The following DOCK8 variants were observed in gnomAD, a reference collection of about 807,000 sequenced individuals.
DOCK8 encodes the protein dedicator of cytokinesis 8, also known as dedicator of cytokinesis protein 8.
Under a neutral mutation model 245.6 loss-of-function variants are expected in DOCK8, and 141 were observed. That is an observed-to-expected ratio of 0.57 (90% CI 0.50 to 0.66). The LOEUF is 0.66. Ranked by LOEUF, DOCK8 falls within the 30% of genes least tolerant of loss-of-function variation. The pLI, the probability that DOCK8 is intolerant of heterozygous loss-of-function variation, is 0.00. For synonymous variants in DOCK8, 1,168 were observed against 970.2 expected (o/e 1.20, Z -3.79); for missense variants, 2,965 against 2,603.4 (o/e 1.14, Z -3.02).
intron 2 of DOCK8, chr9:272,945 C>A: frequency 1.4e-6 from 1 of 716,054 alleles, no homozygotes; most frequent in Non-Finnish European, 1.7e-6. Context: ...GGTTCTGCTG[C>A]TTATCTTGAA....
At chr9:333,654 A>G (rs1248279914) in intron 10 of DOCK8, among the ~76,000 whole-genome samples, 1 of 151,574 alleles carries the variant, frequency 6.6e-6, no homozygotes, top group African/African-American at 2.4e-5. Flanking sequence ...TTAGTATTGT[A>G]CTCTACAGAC....
chr9:249,282 A>G (rs548090669), intron 1 of DOCK8, among the ~76,000 whole-genome samples: 12 of 151,118 alleles, frequency 7.9e-5, no homozygotes, highest in Admixed American at 3.3e-4. Context: ...TTGTCCAACA[A>G]TAAACTCTGC....
At chr9:281,641 C>CCGTGTGTG (rs370850198) in intron 2 of DOCK8, among the ~76,000 whole-genome samples, 8 of 150,796 alleles carry the variant, frequency 5.3e-5, no homozygotes, top group African/African-American at 1.7e-4. Context: ...GTTTGTGTGC[C>CCGTGTGTG]TGTGTGTGTG....
Position 464,417 on chromosome 9 carries a change from G to C in DOCK8, c.*198G>C, listed in dbSNP as rs1183392235. Reference sequence around the variant, plus strand: ...CTGACCAGATTTTTGCCATACTGGGGGGTGGCGGGATGGAGGATGGGTACT... The same window carrying C: ...CTGACCAGATTTTTGCCATACTGGGCGGTGGCGGGATGGAGGATGGGTACT... On this transcript the variant is annotated 3_prime_UTR_variant, in exon 48 of 48. Transcript: ENST00000432829. The C allele has an allele frequency of 7.8e-6, 5 of 644,174 alleles. No homozygotes were observed. Among genetic ancestry groups the C allele is most frequent in the Admixed American group, 4.9e-5 (2 of 41,140 alleles). 39.9% of individuals were successfully genotyped at this position (644,174 alleles called of 1,614,324 possible). A position where few individuals can be genotyped will look rare whatever the true frequency, so the allele number is the denominator to read the frequency against.
At chr9:345,312 T>C (rs1333930230) in intron 14 of DOCK8, among the ~76,000 whole-genome samples, 1 of 152,192 alleles carries the variant, frequency 6.6e-6, no homozygotes, top group Non-Finnish European at 1.5e-5. Context: ...AAATATGGCT[T>C]GGCTTATAAA....
intron 1 of DOCK8, among the ~76,000 whole-genome samples, chr9:260,909 T>A (rs2047903077): frequency 6.6e-6 from 1 of 152,190 alleles, no homozygotes; most frequent in Non-Finnish European, 1.5e-5. Flanking sequence ...TCTCAAGTAC[T>A]GTATTCCCAT....
At chr9:254,421 G>A (rs924898037) in intron 1 of DOCK8, among the ~76,000 whole-genome samples, 1 of 152,110 alleles carries the variant, frequency 6.6e-6, no homozygotes, top group African/African-American at 2.4e-5. Flanking sequence ...TATTCAGCAG[G>A]TATAGTCCAG....
At chr9:420,321 T>C in intron 30 of DOCK8, 80 bp from the exon 31 acceptor site, 2 of 1,470,972 alleles carry the variant, frequency 1.4e-6, no homozygotes, top group Middle Eastern at 2.3e-4. Flanking sequence ...AATTTTTCTG[T>C]TGCTTGACTG....
chr9:317,426 A>G (rs1231492096), intron 7 of DOCK8, among the ~76,000 whole-genome samples: 2 of 152,178 alleles, frequency 1.3e-5, no homozygotes, highest in East Asian at 1.9e-4. Context: ...CGCTTAAGTC[A>G]GTGGTGTGCT....
chr9:222,180 T>C (rs1032250884), intron 1 of DOCK8, among the ~76,000 whole-genome samples: 1 of 151,904 alleles, frequency 6.6e-6, no homozygotes, highest in Non-Finnish European at 1.5e-5. Flanking sequence ...GGAGGGTCAC[T>C]TGAGACCAGG....
In DOCK8 at chr9:230,471, G is replaced by A. The variant is rs1009548876; in HGVS notation, c.53+15442G>A. Among the ~76,000 whole-genome samples, 6 of 152,050 alleles carry A rather than the reference G, an allele frequency of 3.9e-5. No homozygotes were observed. The South Asian group carries it at 6.2e-4, about 16-fold the overall frequency. ...TCTAGTTCTAGATCCCTGAGGAATC[G>A]CCACACTGACTTCCACAATGGTTGA... On this transcript the variant is annotated intron_variant, in intron 1 of 47. Coordinates refer to ENST00000432829, the MANE Select transcript of DOCK8 (RefSeq NM_203447.4).
chr9:287,021 T>A (rs1013690013), intron 3 of DOCK8, among the ~76,000 whole-genome samples: 3 of 152,202 alleles, frequency 2.0e-5, no homozygotes, highest in Non-Finnish European at 4.4e-5. Flanking sequence ...TAATAATAAT[T>A]ACTGAAATGC....
chr9:367,504 G>A (rs1016595497), intron 14 of DOCK8, among the ~76,000 whole-genome samples: 1 of 146,530 alleles, frequency 6.8e-6, no homozygotes, highest in Admixed American at 6.6e-5. Flanking sequence ...TCTTATTGTT[G>A]TTGTCGTTTA....
chr9:385,337 C>A (rs1378578225), intron 22 of DOCK8, among the ~76,000 whole-genome samples: 1 of 151,130 alleles, frequency 6.6e-6, no homozygotes, highest in Non-Finnish European at 1.5e-5. Flanking sequence ...ATGTACCTTA[C>A]TATAAAAGAT....
At chr9:274,643 T>C in intron 2 of DOCK8, among the ~76,000 whole-genome samples, 1 of 148,422 alleles carries the variant, frequency 6.7e-6, no homozygotes, top group Admixed American at 6.8e-5. Flanking sequence ...TCAACTTATG[T>C]GGTGATTTCC....
chr9:392,351 A>C (rs74578855), intron 24 of DOCK8, among the ~76,000 whole-genome samples: 3,430 of 152,254 alleles, frequency 0.023, 124 homozygotes, highest in African/African-American at 0.078. Flanking sequence ...GGTTCATGCC[A>C]CAGAAACACA....
At position 446,426 on chromosome 9, in the gene DOCK8, C is replaced by G; in HGVS notation, c.5637C>G (p.Asp1879Glu). ...EPYFDEYEMK[D>E]RVTYFEKNFN... The stretch of plus-strand genomic sequence containing the variant: ...ACTTTGATGAGTATGAGATGAAAGA[C>G]AGGGTCACATACTTTGAGAAGAATT... The change falls in exon 44 of 48, where the codon GAC becomes GAG. Residue 1879 changes from aspartate (D) to glutamate (E), a missense_variant. Physicochemically the swap from Asp to Glu is conservative, Grantham distance 45 (BLOSUM62 2). This residue lies in a region of DOCK8 where 2,825 missense variants were observed against 2,453.5 expected (regional missense o/e 1.15). Transcript: ENST00000432829. The G allele has an allele frequency of 6.2e-7, 1 of 1,614,234 alleles. No homozygotes were observed. Among genetic ancestry groups the G allele is most frequent in the African/African-American group, 1.3e-5 (1 of 75,052 alleles).
At position 440,316 on chromosome 9, in the gene DOCK8, A is replaced by G. The variant is rs141292840; in HGVS notation, c.5223+928A>G. 6.3e-3 allele frequency among the ~76,000 whole-genome samples: 954 copies of G among 152,222 alleles called. 10 individuals are homozygous for G. Among genetic ancestry groups the G allele is most frequent in the East Asian group, 0.038 (196 of 5,170 alleles). ...ACTACAGGTGTGAGCCACCACGCCCAACTTGTTTTCATTTTAATAATCTCC... is the reference window on the plus strand; with the variant it reads ...ACTACAGGTGTGAGCCACCACGCCCGACTTGTTTTCATTTTAATAATCTCC... On this transcript the variant is annotated intron_variant, in intron 40 of 47. Coordinates refer to ENST00000432829, the MANE Select transcript of DOCK8 (RefSeq NM_203447.4).
intron 46 of DOCK8, chr9:458,223 G>A (rs2057701389): frequency 6.6e-6 from 1 of 152,192 alleles, no homozygotes; most frequent in African/African-American, 2.4e-5. Flanking sequence ...CCTGGTTCTA[G>A]TGTACCCATT....
Sources: gnomAD v4.1 joint callset for allele counts (sites outside exome capture counted in the v4.1 genomes callset) on GRCh38, gnomAD v4.1.1 for gene constraint, gnomAD v4.1.1 regional missense constraint, MANE v1.5 for transcripts, NCBI Gene and HGNC (gene_info 2026-07-23, HGNC 2026-07-21) for gene names.